The following SV2C variants were observed in gnomAD, a reference collection of about 807,000 sequenced individuals.
The protein encoded by SV2C is synaptic vesicle glycoprotein 2C.
SV2C carries 49 observed loss-of-function variants against 79.7 expected under a neutral mutation model. The ratio of observed to expected loss-of-function variants is 0.61; its 90% CI spans 0.49 to 0.78. The LOEUF (loss-of-function observed/expected upper bound fraction) is 0.78, where lower values mean the gene tolerates loss of function less well. Among genes scored for constraint, SV2C ranks in the 30% least tolerant of loss-of-function variants. SV2C has a pLI of 0.00. For missense variants in SV2C, 833 were observed against 912.9 expected, an observed-to-expected ratio of 0.91 and a Z score of 1.13; for synonymous variants, 334 against 333.2, an observed-to-expected ratio of 1.00 and a Z score of -0.03.
chr5:76,184,923 C>T (rs541255495), intron 2 of SV2C, among the ~76,000 whole-genome samples: 6 of 152,332 alleles, frequency 3.9e-5, no homozygotes, highest in African/African-American at 1.2e-4. Context: ...AGGTCCAAGT[C>T]CAAAGTCTCA....
the SV2C span, among the ~76,000 whole-genome samples, chr5:76,070,880 C>T: frequency 1.3e-5 from 2 of 152,344 alleles, no homozygotes; most frequent in Admixed American, 1.3e-4. Flanking sequence ...AGCTTCTCTT[C>T]TTCCAAGGAC....
At chr5:76,127,725 G>A (rs1021782) in intron 1 of SV2C, among the ~76,000 whole-genome samples, 107,015 of 152,030 alleles carry the variant, frequency 0.7, 39,204 homozygotes, top group East Asian at 1. Context: ...CTTTTGGTGC[G>A]GAGAACAGGA....
downstream of SV2C, among the ~76,000 whole-genome samples, chr5:76,336,804 A>G (rs996222364): frequency 6.6e-6 from 1 of 152,204 alleles, no homozygotes; most frequent in African/African-American, 2.4e-5. Flanking sequence ...CTGTTGAATG[A>G]GGGAGAAAAG....
chr5:76,088,048 T>C (rs1747255854), intron 1 of SV2C, among the ~76,000 whole-genome samples: 1 of 152,232 alleles, frequency 6.6e-6, no homozygotes, highest in African/African-American at 2.4e-5. Flanking sequence ...TGCTCACTTC[T>C]GCAGCCTCAT....
chr5:75,911,353 G>A, the SV2C span: 2 of 1,275,306 alleles, frequency 1.6e-6, no homozygotes, highest in Non-Finnish European at 2.2e-6. Context: ...AACCCGCACA[G>A]AAAATGAAGG....
chr5:75,926,752 C>G, the SV2C span, among the ~76,000 whole-genome samples: 1 of 152,198 alleles, frequency 6.6e-6, no homozygotes, highest in Non-Finnish European at 1.5e-5. Flanking sequence ...CACAGCCACA[C>G]AAAGACAAAA....
chr5:76,049,023 G>GAAAGAAAGAAAGAA, the SV2C span, among the ~76,000 whole-genome samples: 54 of 82,632 alleles, frequency 6.5e-4, no homozygotes, highest in African/African-American at 2.3e-3. Context: ...AAGAAAGAAA[G>GAAAGAAAGAAAGAA]AAAAAGAAAA....
the SV2C span, among the ~76,000 whole-genome samples, chr5:75,896,753 T>C: frequency 2.7e-5 from 4 of 148,878 alleles, no homozygotes; most frequent in Non-Finnish European, 5.9e-5. Context: ...TTTTAATGAT[T>C]GCCATTCTAA....
intron 2 of SV2C, among the ~76,000 whole-genome samples, chr5:76,193,139 G>GA (rs1016405753): frequency 6.6e-6 from 1 of 152,114 alleles, no homozygotes; most frequent in African/African-American, 2.4e-5. Flanking sequence ...GACAGAGTAG[G>GA]AAAAAAATTT....
chr5:75,996,859 G>C, the SV2C span, among the ~76,000 whole-genome samples: 1 of 138,776 alleles, frequency 7.2e-6, no homozygotes, highest in African/African-American at 2.7e-5. Flanking sequence ...TGCTGAAGTT[G>C]CTTATCAGCT....
intron 4 of SV2C, among the ~76,000 whole-genome samples, chr5:76,236,286 A>T (rs1225158339): frequency 2.1e-5 from 3 of 145,314 alleles, no homozygotes; most frequent in Non-Finnish European, 4.4e-5. Context: ...CAAATACACT[A>T]GGCCTGGGCA....
chr5:76,068,977 A>T, the SV2C span, among the ~76,000 whole-genome samples: 3 of 152,232 alleles, frequency 2.0e-5, no homozygotes, highest in African/African-American at 7.2e-5. Flanking sequence ...AAAGTATACA[A>T]AAAATGAAGT....
chr5:75,986,602 A>G, the SV2C span, among the ~76,000 whole-genome samples: 3 of 152,014 alleles, frequency 2.0e-5, no homozygotes, highest in Admixed American at 2.0e-4. Flanking sequence ...CAGCAATAGA[A>G]AACTAACATA....
intron 3 of SV2C, among the ~76,000 whole-genome samples, chr5:76,208,973 C>T (rs954051483): frequency 6.6e-6 from 1 of 152,172 alleles, no homozygotes; most frequent in African/African-American, 2.4e-5. Context: ...CTCATTTGAG[C>T]ACCCTTACCC....
the SV2C span, among the ~76,000 whole-genome samples, chr5:75,904,151 G>A: frequency 3.5e-3 from 533 of 152,162 alleles, 3 homozygotes; most frequent in South Asian, 0.017. Flanking sequence ...GATATAGTTT[G>A]GTGGGTTTTT....
At chr5:75,990,081 A>G in the SV2C span, among the ~76,000 whole-genome samples, 1 of 151,510 alleles carries the variant, frequency 6.6e-6, no homozygotes, top group Non-Finnish European at 1.5e-5. Context: ...CATTCTACAG[A>G]ATGACATAGG....
At chr5:75,922,564 A>G in the SV2C span, among the ~76,000 whole-genome samples, 1 of 152,230 alleles carries the variant, frequency 6.6e-6, no homozygotes, top group African/African-American at 2.4e-5. Context: ...TATGGCAGAG[A>G]CTGCACTTTG....
chr5:76,008,223 G>A, the SV2C span, among the ~76,000 whole-genome samples: 2 of 152,252 alleles, frequency 1.3e-5, no homozygotes, highest in South Asian at 4.2e-4. Flanking sequence ...TCAGGGGGAA[G>A]TCATAAAGAC....
chr5:76,115,640 A>G (rs1439906382), intron 1 of SV2C, among the ~76,000 whole-genome samples: 4 of 152,252 alleles, frequency 2.6e-5, no homozygotes, highest in Non-Finnish European at 4.4e-5. Context: ...AACAAATGTG[A>G]AAGAGCAGGG....
Sources: allele counts gnomAD v4.1 joint callset (sites outside exome capture counted in the v4.1 genomes callset), GRCh38; gene constraint gnomAD v4.1.1; transcripts MANE v1.5; gene names NCBI Gene and HGNC (gene_info 2026-07-23, HGNC 2026-07-21).